HDAC4: variants seen among roughly 807,000 people sequenced by gnomAD.
HDAC4 encodes the protein histone deacetylase 4.
A neutral mutation model predicts 135.1 loss-of-function variants in HDAC4; 16 were observed. The ratio of observed to expected loss-of-function variants is 0.12; its 90% CI spans 0.08 to 0.18. The LOEUF (loss-of-function observed/expected upper bound fraction) is 0.18. Among genes scored for constraint, HDAC4 ranks in the 10% least tolerant of loss-of-function variants. The pLI is 1.00. For synonymous variants in HDAC4, 685 were observed against 653.4 expected (o/e 1.05, Z -0.74); for missense variants, 1,143 against 1,511.8 (o/e 0.76, Z 4.05).
At chr2:239,190,107 C>A in intron 3 of HDAC4, 30 bp from the exon 4 acceptor site, 2 of 1,591,438 alleles carry the variant, frequency 1.3e-6, no homozygotes, top group South Asian at 2.2e-5. Context: ...GAGAGCCGGT[C>A]ACTGCCGCCC....
intron 1 of HDAC4, among the ~76,000 whole-genome samples, chr2:239,385,625 G>A (rs1187152796): frequency 6.6e-6 from 1 of 152,250 alleles, no homozygotes; most frequent in African/African-American, 2.4e-5. Flanking sequence ...AAGCCGGCCT[G>A]TGATAAGGAA....
At chr2:239,364,888 C>T (rs1245876827) in intron 1 of HDAC4, among the ~76,000 whole-genome samples, 2 of 152,150 alleles carry the variant, frequency 1.3e-5, no homozygotes, top group East Asian at 1.9e-4. Context: ...TTAAAAGAAA[C>T]CTCGCAGAAA....
chr2:239,094,130 C>T (rs1162326144), intron 17 of HDAC4: 1 of 985,358 alleles, frequency 1.0e-6, no homozygotes, highest in African/African-American at 1.7e-5. Flanking sequence ...CCACCGGCTC[C>T]CGTCCTCCCT....
At chr2:239,358,329 G>A (rs1413965899) in intron 1 of HDAC4, among the ~76,000 whole-genome samples, 5 of 152,194 alleles carry the variant, frequency 3.3e-5, no homozygotes, top group African/African-American at 1.2e-4. Context: ...TGGTGTTGGT[G>A]CTAAAGCGCC....
Position 239,313,661 on chromosome 2 carries a change from C to T in HDAC4, c.22+39017G>A, listed in dbSNP as rs567858065. Among the ~76,000 whole-genome samples, 11 of 152,294 alleles carry T rather than the reference C, an allele frequency of 7.2e-5. No individual in the cohort carries two copies. Among genetic ancestry groups the T allele is most frequent in the South Asian group, 6.2e-4 (3 of 4,834 alleles). ...AGAGAAAGTTTCTTATGAAAATAAG[C>T]GCCTCAAAAGAAAGCCAACGTACAG... On this transcript the variant is annotated intron_variant, in intron 2 of 26. Transcript: ENST00000543185. This position sits in a 1 kb window ranked among gnomAD's most constrained non-coding sequence, Gnocchi z 5.1.
chr2:239,118,513 G>A (rs770587602), intron 12 of HDAC4, among the ~76,000 whole-genome samples: 10 of 152,202 alleles, frequency 6.6e-5, no homozygotes, highest in Non-Finnish European at 1.0e-4. Flanking sequence ...GAACAGGAAC[G>A]TGCTGTCCAC....
chr2:239,252,164 C>G (rs147275633), intron 2 of HDAC4, among the ~76,000 whole-genome samples: 39 of 152,290 alleles, frequency 2.6e-4, no homozygotes, highest in Non-Finnish European at 3.8e-4. Flanking sequence ...ATGGTGGTTC[C>G]AGGATTCTGG....
At chr2:239,298,851 T>A (rs549099731) in intron 2 of HDAC4, among the ~76,000 whole-genome samples, 1 of 150,438 alleles carries the variant, frequency 6.6e-6, no homozygotes, top group South Asian at 2.1e-4. Flanking sequence ...CAACCCTTCA[T>A]GGCCATAGCC....
intron 2 of HDAC4, among the ~76,000 whole-genome samples, chr2:239,344,457 T>C (rs1010026739): frequency 4.6e-5 from 7 of 152,330 alleles, no homozygotes; most frequent in Middle Eastern, 3.4e-3. Flanking sequence ...CAATGCTCCA[T>C]TGACAGCGAA....
intron 1 of HDAC4, among the ~76,000 whole-genome samples, chr2:239,397,592 A>T (rs1476820375): frequency 1.3e-5 from 2 of 152,134 alleles, no homozygotes; most frequent in African/African-American, 4.8e-5. Context: ...AGTGAGTAGG[A>T]GGTTTGTCAG....
At chr2:239,207,715 GAATT>G (rs1386577321) in intron 3 of HDAC4, among the ~76,000 whole-genome samples, 1 of 152,156 alleles carries the variant, frequency 6.6e-6, no homozygotes, top group Non-Finnish European at 1.5e-5. Flanking sequence ...GAACTAAATT[GAATT>G]AATACTTTAA....
chr2:239,237,635 C>T (rs1276886759), intron 2 of HDAC4, among the ~76,000 whole-genome samples: 1 of 151,456 alleles, frequency 6.6e-6, no homozygotes, highest in Non-Finnish European at 1.5e-5. Context: ...GCATTGCCAA[C>T]CCGTGCATGT....
intron 2 of HDAC4, among the ~76,000 whole-genome samples, chr2:239,277,785 A>C (rs895479333): frequency 6.6e-6 from 1 of 152,178 alleles, no homozygotes; most frequent in Non-Finnish European, 1.5e-5. Flanking sequence ...GTTCCACAGC[A>C]ACTCCACCCG....
intron 2 of HDAC4, among the ~76,000 whole-genome samples, chr2:239,327,007 C>T (rs1053419584): frequency 2.6e-5 from 4 of 152,236 alleles, no homozygotes; most frequent in Non-Finnish European, 5.9e-5. Context: ...ACAGTCTGAA[C>T]GAGACCACAT....
chr2:239,097,159 C>T (rs970214380), intron 16 of HDAC4, among the ~76,000 whole-genome samples: 11 of 152,262 alleles, frequency 7.2e-5, no homozygotes, highest in East Asian at 3.9e-4. Flanking sequence ...AGGGAGCCCG[C>T]GCTCCTCTCC....
chr2:239,113,658 A>C (rs2038877565), intron 13 of HDAC4, among the ~76,000 whole-genome samples: 1 of 152,224 alleles, frequency 6.6e-6, no homozygotes, highest in African/African-American at 2.4e-5. Flanking sequence ...TATTAATGTA[A>C]ATAGTTTCCC....
chr2:239,118,195 G>T (rs1266179792), intron 12 of HDAC4, among the ~76,000 whole-genome samples: 3 of 151,766 alleles, frequency 2.0e-5, no homozygotes, highest in African/African-American at 7.2e-5. Flanking sequence ...CGGGGGGTTT[G>T]TTTTATGATT....
rs60415396 is a variant in HDAC4, at chr2:239,208,326, C to A, written c.95-18249G>T. Among the ~76,000 whole-genome samples, 447 of 68,150 alleles carry A rather than the reference C, an allele frequency of 6.6e-3. 4 individuals are homozygous for A. Among genetic ancestry groups the A allele is most frequent in the African/African-American group, 0.04 (385 of 9,614 alleles). The allele number at this position is 68,150 out of a possible 152,430, so 44.7% of individuals were successfully genotyped here. A position where few individuals can be genotyped will look rare whatever the true frequency, so the allele number is the denominator to read the frequency against. On this transcript the variant is annotated intron_variant, in intron 3 of 26. Coordinates refer to ENST00000543185, the MANE Select transcript of HDAC4 (RefSeq NM_001378414.1). ...TGGGGGACAGAGCGAGACTCCGTCCCAAAAAAAAAAAAAAAAAAAAAAAAA... is the reference window on the plus strand; with the variant it reads ...TGGGGGACAGAGCGAGACTCCGTCCAAAAAAAAAAAAAAAAAAAAAAAAAA...
At chr2:239,198,622 T>TCAGACACCAAAGC (rs2045558296) in intron 3 of HDAC4, among the ~76,000 whole-genome samples, 2 of 152,178 alleles carry the variant, frequency 1.3e-5, no homozygotes, top group Non-Finnish European at 2.9e-5. Context: ...TCTGGTGAGT[T>TCAGACACCAAAGC]CTCAGTGCTC....
Sources: gnomAD v4.1 joint callset for allele counts (sites outside exome capture counted in the v4.1 genomes callset) on GRCh38, gnomAD v4.1.1 for gene constraint, Gnocchi (gnomAD v3.1) non-coding constraint, MANE v1.5 for transcripts, NCBI Gene and HGNC (gene_info 2026-07-23, HGNC 2026-07-21) for gene names.